Variants in UMPS observed in about 807,000 individuals in gnomAD.
UMPS encodes uridine monophosphate synthetase.
UMPS carries 21 observed loss-of-function variants against 38.9 expected under a neutral mutation model. The observed-to-expected ratio is 0.54, with a 90% CI of 0.38 to 0.78. The LOEUF is 0.78. UMPS is among the 30% of genes least tolerant of loss of function. UMPS has a pLI of 0.00. For synonymous variants in UMPS, 208 were observed against 219.3 expected (o/e 0.95, Z 0.45); for missense variants, 533 against 591.6 (o/e 0.90, Z 1.03).
chr3:124,741,346 G>C (rs532641567), intron 4 of UMPS, among the ~76,000 whole-genome samples: 1 of 152,232 alleles, frequency 6.6e-6, no homozygotes, highest in Admixed American at 6.5e-5. Flanking sequence ...TCTGGTCTCC[G>C]GGAAGTATCA....
intron 3 of UMPS, 40 bp from the exon 4 acceptor site, chr3:124,739,984 T>C: frequency 6.2e-7 from 1 of 1,609,142 alleles, no homozygotes; most frequent in African/African-American, 1.3e-5. Flanking sequence ...GAGGTTTTGT[T>C]TGAAAATCAG....
chr3:124,740,289 C>A, intron 4 of UMPS, 90 bp downstream of exon 4: 2 of 1,373,532 alleles, frequency 1.5e-6, no homozygotes, highest in Non-Finnish European at 9.9e-7. Context: ...GTTTCTGGAA[C>A]CTCTGCCAAA....
chr3:124,738,532 T>C (rs1239582843), intron 3 of UMPS: 2 of 383,410 alleles, frequency 5.2e-6, no homozygotes, highest in Admixed American at 4.0e-5. Context: ...CAATTTGCTC[T>C]GCAACTGTGA....
Position 124,745,358 on chromosome 3 carries a change from A to C in UMPS, c.*1274A>C. The C allele has an allele frequency of 2.3e-6, 1 of 430,868 alleles. No individual in the cohort carries two copies. The highest frequency in any genetic ancestry group is 1.6e-5 in the South Asian group (1 of 63,402). 26.7% of individuals were successfully genotyped at this position (430,868 alleles called of 1,614,324 possible). Reference sequence around the variant, plus strand: ...CCACTGTTCTTTAATGACTCAGAGGAATGCCTAGGATTTTTTTTTTTTTTT... The same window carrying C: ...CCACTGTTCTTTAATGACTCAGAGGCATGCCTAGGATTTTTTTTTTTTTTT... On this transcript the variant is annotated 3_prime_UTR_variant, in exon 6 of 6. Transcript: ENST00000232607.
chr3:124,741,090 CAT>C (rs1442244816), intron 4 of UMPS, among the ~76,000 whole-genome samples: 4 of 152,134 alleles, frequency 2.6e-5, no homozygotes, highest in Non-Finnish European at 4.4e-5. Flanking sequence ...AGACTTAACT[CAT>C]ATGGCCCTAC....
In UMPS at chr3:124,745,346, A is replaced by T. The variant is rs1275008438; in HGVS notation, c.*1262A>T. 1 of 451,444 alleles carries T rather than the reference A, an allele frequency of 2.2e-6. No individual in the cohort carries two copies. Among genetic ancestry groups the T allele is most frequent in the South Asian group, 1.6e-5 (1 of 64,314 alleles). The allele number at this position is 451,444 out of a possible 1,614,324, so 28.0% of individuals were successfully genotyped here. A position where few individuals can be genotyped will look rare whatever the true frequency, so the allele number is the denominator to read the frequency against. Reference sequence around the variant, plus strand: ...TCAGCTGATGGCCCACTGTTCTTTAATGACTCAGAGGAATGCCTAGGATTT... The same window carrying T: ...TCAGCTGATGGCCCACTGTTCTTTATTGACTCAGAGGAATGCCTAGGATTT... On this transcript the variant is annotated 3_prime_UTR_variant, in exon 6 of 6. Coordinates refer to ENST00000232607, the MANE Select transcript of UMPS (RefSeq NM_000373.4).
At chr3:124,743,645 T>A (rs933671450) in intron 5 of UMPS, among the ~76,000 whole-genome samples, 53 of 151,426 alleles carry the variant, frequency 3.5e-4, no homozygotes, top group Middle Eastern at 3.4e-3. Context: ...CTCAAAAAAA[T>A]AAATAAATAA....
rs1482525689 is a variant in UMPS at position 124,747,319 on chromosome 3, G to T, written c.*3235G>T. 2.2e-6 allele frequency: 1 copy of T among 455,270 alleles called. No homozygotes were observed. Among genetic ancestry groups the T allele is most frequent in the Non-Finnish European group, 4.4e-6 (1 of 226,824 alleles). The allele number at this position is 455,270 out of a possible 1,614,324, so 28.2% of individuals were successfully genotyped here. Reference sequence around the variant, plus strand: ...TGGGTCATCAGACCTGGCTGTCAGGGGTGCAGCCACAGGAGAGCCAACAGC... The same window carrying T: ...TGGGTCATCAGACCTGGCTGTCAGGTGTGCAGCCACAGGAGAGCCAACAGC... On this transcript the variant is annotated 3_prime_UTR_variant, in exon 6 of 6. Coordinates refer to ENST00000232607, the MANE Select transcript of UMPS (RefSeq NM_000373.4).
At chr3:124,740,540 A>T (rs749414472) in intron 4 of UMPS, among the ~76,000 whole-genome samples, 1 of 152,184 alleles carries the variant, frequency 6.6e-6, no homozygotes, top group African/African-American at 2.4e-5. Context: ...AGCTTCCCAG[A>T]CATGCAGTTT....
intron 1 of UMPS, among the ~76,000 whole-genome samples, chr3:124,732,086 TGGTGCCACCCCCG>T (rs2063483400): frequency 6.6e-6 from 1 of 152,164 alleles, no homozygotes; most frequent in Admixed American, 6.5e-5. Context: ...TACAAATGCC[TGGTGCCACCCCCG>T]GGCTACCTCC....
Position 124,749,065 on chromosome 3 carries a change from A to G in UMPS, c.*4981A>G, listed in dbSNP as rs1021021020. ...AACACTGCATTGTCTCCCTGCACTT[A>G]GCAGCCCTGCAGGGTGAGACTTGGG... On this transcript the variant is annotated 3_prime_UTR_variant, in exon 6 of 6. Transcript: ENST00000232607. The G allele has an allele frequency of 2.2e-6, 1 of 454,108 alleles. No homozygotes were observed. The highest frequency in any genetic ancestry group is 2.0e-5 in the African/African-American group (1 of 50,124). The allele number at this position is 454,108 out of a possible 1,614,324, so 28.1% of individuals were successfully genotyped here. A position where few individuals can be genotyped will look rare whatever the true frequency, so the allele number is the denominator to read the frequency against.
At chr3:124,741,902 C>T (rs1274413328) in intron 4 of UMPS, among the ~76,000 whole-genome samples, 1 of 151,946 alleles carries the variant, frequency 6.6e-6, no homozygotes, top group Non-Finnish European at 1.5e-5. Context: ...ATCTATAATA[C>T]AGCAAAGTTT....
intron 2 of UMPS, 37 bp from the exon 3 acceptor site, chr3:124,737,531 T>C (rs543457609): frequency 6.2e-7 from 1 of 1,601,316 alleles, no homozygotes; most frequent in East Asian, 2.2e-5. Flanking sequence ...TACATACATA[T>C]TTAAATTTGG....
chr3:124,733,523 C>A, intron 1 of UMPS: 1 of 190,420 alleles, frequency 5.3e-6, no homozygotes, highest in Non-Finnish European at 1.1e-5. Flanking sequence ...GACTGCCTTG[C>A]TGTGAATGGC....
chr3:124,743,288 T>A (rs1456133574), intron 5 of UMPS, among the ~76,000 whole-genome samples: 2 of 146,056 alleles, frequency 1.4e-5, no homozygotes, highest in Admixed American at 6.8e-5. Flanking sequence ...GAGCTGAGAT[T>A]GTGCCATTGC....
At position 124,738,084 on chromosome 3, in the gene UMPS, G is replaced by A. The variant is rs140804035; in HGVS notation, c.827G>A (p.Ser276Asn). ...CAGCTAGCAGATGCTTTAGGACCTA[G>A]TATCTGCATGCTGAAGACTCATGTA... ...LLQLADALGP[S>N]ICMLKTHVDI... The change falls in exon 3 of 6, where the codon AGT becomes AAT. Residue 276 changes from serine to asparagine, a missense_variant. By Grantham distance (46) the Ser-to-Asn change is conservative (BLOSUM62 1). Transcript: ENST00000232607. 1,374 of 1,614,226 alleles carry A rather than the reference G, an allele frequency of 8.5e-4. 2 individuals carry two copies. The highest frequency in any genetic ancestry group is 1.5e-3 in the Admixed American group (92 of 60,022).
chr3:124,748,611 C>G lies in UMPS; in HGVS notation c.*4527C>G. 2.2e-6 allele frequency: 1 copy of G among 454,052 alleles called. No individual in the cohort carries two copies. The highest frequency in any genetic ancestry group is 1.6e-5 in the South Asian group (1 of 64,470). 28.1% of individuals were successfully genotyped at this position (454,052 alleles called of 1,614,324 possible). A position where few individuals can be genotyped will look rare whatever the true frequency, so the allele number is the denominator to read the frequency against. ...TCCTGGTGTGGGCTCTCACGTGCTGCTGCTGAATCCCAGGGAAGGAGGGAG... is the reference window on the plus strand; with the variant it reads ...TCCTGGTGTGGGCTCTCACGTGCTGGTGCTGAATCCCAGGGAAGGAGGGAG... On this transcript the variant is annotated 3_prime_UTR_variant, in exon 6 of 6. Transcript: ENST00000232607.
intron 5 of UMPS, 70 bp downstream of exon 5, chr3:124,742,336 T>A: frequency 4.4e-6 from 5 of 1,133,644 alleles, no homozygotes; most frequent in Non-Finnish European, 6.7e-6. Flanking sequence ...AATAAAACTT[T>A]GCATATTATT....
intron 4 of UMPS, among the ~76,000 whole-genome samples, chr3:124,741,126 G>A (rs1269708367): frequency 6.6e-6 from 1 of 152,108 alleles, no homozygotes; most frequent in East Asian, 1.9e-4. Context: ...CCCTATCCCT[G>A]AATTGACTAT....
Sources: gnomAD v4.1 joint callset for allele counts (sites outside exome capture counted in the v4.1 genomes callset) on GRCh38, gnomAD v4.1.1 for gene constraint, MANE v1.5 for transcripts, NCBI Gene and HGNC (gene_info 2026-07-23, HGNC 2026-07-21) for gene names.